The following SLC8A1 variants were observed in gnomAD, a reference collection of about 807,000 sequenced individuals.
SLC8A1 encodes the protein solute carrier family 8 member A1, also known as sodium/calcium exchanger 1.
SLC8A1 carries 18 observed loss-of-function variants against 68.3 expected under a neutral mutation model. The observed-to-expected ratio is 0.26, with a 90% CI of 0.18 to 0.39. SLC8A1 has a LOEUF of 0.39. Ranked by LOEUF, SLC8A1 falls within the 10% of genes least tolerant of loss-of-function variation. The pLI is 1.00. For missense variants in SLC8A1, 985 were observed against 1,156.7 expected (o/e 0.85, Z 2.15); for synonymous variants, 475 against 415.5 (o/e 1.14, Z -1.74).
chr2:40,332,950 A>G (rs1340066046), intron 2 of SLC8A1, among the ~76,000 whole-genome samples: 1 of 152,234 alleles, frequency 6.6e-6, no homozygotes, highest in Admixed American at 6.5e-5. Context: ...TAAATTAGCT[A>G]GACTATTTTC....
At chr2:40,249,055 G>A (rs923366596) in intron 2 of SLC8A1, among the ~76,000 whole-genome samples, 1 of 152,122 alleles carries the variant, frequency 6.6e-6, no homozygotes, top group Non-Finnish European at 1.5e-5. Flanking sequence ...AACTGTCCCT[G>A]GGTCCTTTGT....
chr2:40,218,004 T>A (rs1296616992), intron 2 of SLC8A1, among the ~76,000 whole-genome samples: 1 of 152,060 alleles, frequency 6.6e-6, no homozygotes, highest in Non-Finnish European at 1.5e-5. Flanking sequence ...AGGACCAATA[T>A]TAAGAGAAAG....
intron 2 of SLC8A1, among the ~76,000 whole-genome samples, chr2:40,410,717 A>G (rs921646576): frequency 4.6e-5 from 7 of 152,104 alleles, no homozygotes; most frequent in Non-Finnish European, 8.8e-5. Flanking sequence ...ATTTAAACAT[A>G]TCTTCCCACT....
At chr2:40,341,315 T>G (rs28463628) in intron 2 of SLC8A1, among the ~76,000 whole-genome samples, 26,669 of 152,092 alleles carry the variant, frequency 0.18, 4,167 homozygotes, top group African/African-American at 0.42. Flanking sequence ...AGTAAATAAG[T>G]AAATAAATAA....
intron 2 of SLC8A1, among the ~76,000 whole-genome samples, chr2:40,320,128 T>C (rs887826620): frequency 6.6e-6 from 1 of 152,156 alleles, no homozygotes; most frequent in Admixed American, 6.6e-5. Context: ...ATCTTCATAT[T>C]ACCTAAGTCT....
chr2:40,115,136 GC>G, exon 8 of SLC8A1: 1 of 744,760 alleles, frequency 1.3e-6, no homozygotes, highest in African/African-American at 1.8e-5. Context: ...TGCTCTTGAA[GC>G]TGGATTCCAT....
rs1439059010 is a variant in SLC8A1, at chr2:40,279,404, A to C, written c.1809-101549T>G. Among the ~76,000 whole-genome samples the C allele has an allele frequency of 2.0e-5, 3 of 152,202 alleles. No individual in the cohort carries two copies. In the South Asian group the frequency reaches 6.2e-4, roughly 32 times the overall value. On this transcript the variant is annotated intron_variant, in intron 2 of 7. Transcript: ENST00000406785. Reference sequence around the variant, plus strand: ...AAACAGAAAGTGGCTCTTGAATACCAAAGTGGGTGCCAGAAACTGAGAAAA... The same window carrying C: ...AAACAGAAAGTGGCTCTTGAATACCCAAGTGGGTGCCAGAAACTGAGAAAA...
At chr2:40,280,036 T>C (rs2149180666) in intron 2 of SLC8A1, among the ~76,000 whole-genome samples, 1 of 152,276 alleles carries the variant, frequency 6.6e-6, no homozygotes, top group South Asian at 2.1e-4. Flanking sequence ...TTGCAAGCTA[T>C]GGAGTACACT....
chr2:40,356,368 C>G (rs1330191146), intron 2 of SLC8A1, among the ~76,000 whole-genome samples: 1 of 152,146 alleles, frequency 6.6e-6, no homozygotes, highest in Non-Finnish European at 1.5e-5. Context: ...TTCCTGCTCT[C>G]AAAGACCACA....
intron 2 of SLC8A1, among the ~76,000 whole-genome samples, chr2:40,259,578 C>T (rs1488089045): frequency 1.3e-5 from 2 of 152,212 alleles, no homozygotes; most frequent in East Asian, 1.9e-4. Flanking sequence ...CTCTTGGGCT[C>T]GAATAATCCT....
intron 2 of SLC8A1, among the ~76,000 whole-genome samples, chr2:40,336,009 C>T (rs1419502732): frequency 6.6e-6 from 1 of 152,152 alleles, no homozygotes; most frequent in Non-Finnish European, 1.5e-5. Context: ...ACACCTCAAA[C>T]AAGTTGGTAT....
At chr2:40,455,965 G>A (rs367608932), upstream of SLC8A1, among the ~76,000 whole-genome samples, 1 of 149,252 alleles carries the variant, frequency 6.7e-6, no homozygotes, top group Non-Finnish European at 1.5e-5. Flanking sequence ...CAATGAATTT[G>A]TCACAGTCTT....
chr2:40,425,107 T>C (rs1436515536), intron 2 of SLC8A1, among the ~76,000 whole-genome samples: 1 of 151,884 alleles, frequency 6.6e-6, no homozygotes, highest in African/African-American at 2.4e-5. Context: ...ATTGGTTTAG[T>C]ATGTGTCATT....
intron 2 of SLC8A1, among the ~76,000 whole-genome samples, chr2:40,391,662 T>C (rs1452795421): frequency 6.6e-6 from 1 of 152,092 alleles, no homozygotes; most frequent in Non-Finnish European, 1.5e-5. Context: ...GGAGCAATCA[T>C]TCTGCTTCCA....
chr2:40,466,800 C>T (rs1703700431), intron 1 of SLC8A1, among the ~76,000 whole-genome samples: 1 of 152,078 alleles, frequency 6.6e-6, no homozygotes, highest in African/African-American at 2.4e-5. Context: ...AACTTGGACT[C>T]TGTATTTCCA....
At chr2:40,321,178 T>G (rs2075138263) in intron 2 of SLC8A1, among the ~76,000 whole-genome samples, 1 of 152,166 alleles carries the variant, frequency 6.6e-6, no homozygotes, top group South Asian at 2.1e-4. Context: ...AAAGTCTTTC[T>G]GTCGTACAAA....
At chr2:40,352,554 G>C (rs1324918666) in intron 2 of SLC8A1, among the ~76,000 whole-genome samples, 2 of 152,084 alleles carry the variant, frequency 1.3e-5, no homozygotes, top group Non-Finnish European at 2.9e-5. Context: ...CTAGAGATTA[G>C]GAAAAATATA....
intron 2 of SLC8A1, among the ~76,000 whole-genome samples, chr2:40,247,584 G>A (rs1416755693): frequency 2.0e-5 from 3 of 152,238 alleles, no homozygotes; most frequent in East Asian, 1.9e-4. Context: ...TATAAGTCAC[G>A]TGTCACATTA....
chr2:40,261,744 C>CCACT (rs5830616), intron 2 of SLC8A1, among the ~76,000 whole-genome samples: 152,257 of 152,322 alleles, frequency 1, 76,096 homozygotes, highest in Middle Eastern at 1. Context: ...TGCGTAAGTG[C>CCACT]CACAGTCGTT....
Sources: gnomAD v4.1 joint callset for allele counts (sites outside exome capture counted in the v4.1 genomes callset) on GRCh38, gnomAD v4.1.1 for gene constraint, MANE v1.5 for transcripts, NCBI Gene and HGNC (gene_info 2026-07-23, HGNC 2026-07-21) for gene names.